The following ADGRL3 variants were observed in gnomAD, a reference collection of about 807,000 sequenced individuals.
The protein encoded by ADGRL3 is adhesion G protein-coupled receptor L3, also known as calcium-independent alpha-latrotoxin receptor 3.
ADGRL3 carries 62 observed loss-of-function variants against 153.5 expected under a neutral mutation model. That is an observed-to-expected ratio of 0.40 (90% confidence interval 0.33 to 0.50). The LOEUF is 0.50. Ranked by LOEUF, ADGRL3 falls within the 20% of genes least tolerant of loss-of-function variation. The probability of loss-of-function intolerance (pLI) is 0.47; values close to 1 mark genes in which losing one functional copy is unlikely to be tolerated. For synonymous variants in ADGRL3, 710 were observed against 672.5 expected (o/e 1.06, Z -0.86); for missense variants, 1,641 against 1,859.4 (o/e 0.88, Z 2.16).
intron 2 of ADGRL3, among the ~76,000 whole-genome samples, chr4:61,451,746 AC>A (rs1391229838): frequency 2.6e-5 from 4 of 152,248 alleles, no homozygotes; most frequent in Admixed American, 2.6e-4. Flanking sequence ...ATATGTTTAT[AC>A]AACTGGGGTA....
chr4:61,635,363 A>G (rs1329105351), intron 5 of ADGRL3, among the ~76,000 whole-genome samples: 1 of 152,102 alleles, frequency 6.6e-6, no homozygotes, highest in Non-Finnish European at 1.5e-5. Flanking sequence ...GTTAAGAGAG[A>G]AGTCTTCTAC....
intron 8 of ADGRL3, among the ~76,000 whole-genome samples, chr4:61,736,019 A>G (rs929779311): frequency 2.6e-5 from 4 of 152,146 alleles, no homozygotes; most frequent in Admixed American, 6.5e-5. Context: ...AAACATATGA[A>G]TATACTCATA....
At chr4:61,615,774 T>C (rs1332246003) in intron 5 of ADGRL3, among the ~76,000 whole-genome samples, 3 of 152,106 alleles carry the variant, frequency 2.0e-5, no homozygotes, top group African/African-American at 7.2e-5. Context: ...ATTGACTATA[T>C]GTGTATGTAT....
chr4:61,420,401 C>CTTTTTTTTTTTT (rs36093010), intron 2 of ADGRL3: 3 of 82,550 alleles, frequency 3.6e-5, no homozygotes, highest in African/African-American at 9.8e-5. Context: ...CAAAGGAAAG[C>CTTTTTTTTTTTT]TTTTTTTTTT....
intron 1 of ADGRL3, among the ~76,000 whole-genome samples, chr4:61,209,986 A>G (rs1016551768): frequency 8.5e-5 from 13 of 152,208 alleles, no homozygotes; most frequent in Admixed American, 5.9e-4. Flanking sequence ...TAAATGAGAT[A>G]AACCTATAAA....
chr4:61,671,971 T>C (rs2095022979), intron 5 of ADGRL3, among the ~76,000 whole-genome samples: 1 of 152,098 alleles, frequency 6.6e-6, no homozygotes, highest in South Asian at 2.1e-4. Flanking sequence ...AAGTGACAAA[T>C]AGGTTTAAAA....
At chr4:61,841,903 G>T (rs1465707490) in intron 9 of ADGRL3, among the ~76,000 whole-genome samples, 1 of 152,160 alleles carries the variant, frequency 6.6e-6, no homozygotes, top group African/African-American at 2.4e-5. Flanking sequence ...GGCCAGCATG[G>T]ATGGAGATAA....
chr4:61,496,853 A>G (rs1335413144), intron 2 of ADGRL3, among the ~76,000 whole-genome samples: 2 of 151,360 alleles, frequency 1.3e-5, no homozygotes, highest in African/African-American at 4.9e-5. Context: ...AGGAAGGAGA[A>G]TGGCGTGAAC....
At chr4:61,423,232 A>T (rs940493375) in intron 2 of ADGRL3, among the ~76,000 whole-genome samples, 4 of 152,214 alleles carry the variant, frequency 2.6e-5, no homozygotes, top group African/African-American at 9.7e-5. Context: ...TGAAGTTGAG[A>T]GTCGACTACC....
At chr4:61,927,715 A>T (rs541517168) in intron 13 of ADGRL3, among the ~76,000 whole-genome samples, 11 of 152,254 alleles carry the variant, frequency 7.2e-5, no homozygotes, top group African/African-American at 2.6e-4. Flanking sequence ...TTACATTTTG[A>T]TTTGAATCAA....
At chr4:61,329,041 ATAAGGAATTAGTTGCTC>A (rs1159131344) in intron 1 of ADGRL3, among the ~76,000 whole-genome samples, 1 of 152,188 alleles carries the variant, frequency 6.6e-6, no homozygotes, top group African/African-American at 2.4e-5. Flanking sequence ...GATGTGTGCC[ATAAGGAATTAGTTGCTC>A]AACAAAAAGA....
rs991260672 is a variant in ADGRL3 at position 61,235,031 on chromosome 4, A to C, written c.-240+33266A>C. Among the ~76,000 whole-genome samples the C allele has an allele frequency of 3.3e-5, 5 of 152,206 alleles. No individual in the cohort carries two copies. The East Asian group carries it at 9.7e-4, about 29-fold the overall frequency. ...AAGAAAACCAACCAAATAAGGTCCC[A>C]GAAGAGATGGAAATGAGCCTCTTTT... is the stretch of plus-strand genomic sequence containing the variant. On this transcript the variant is annotated intron_variant, in intron 1 of 26. Coordinates refer to ENST00000683033, the MANE Select transcript of ADGRL3 (RefSeq NM_001387552.1).
intron 8 of ADGRL3, among the ~76,000 whole-genome samples, chr4:61,811,660 T>C (rs2097623630): frequency 6.6e-6 from 1 of 152,194 alleles, no homozygotes; most frequent in Non-Finnish European, 1.5e-5. Context: ...CAGATATATA[T>C]ACATATGGAT....
chr4:62,015,219 T>G (rs1310089938), intron 21 of ADGRL3, among the ~76,000 whole-genome samples: 1 of 152,212 alleles, frequency 6.6e-6, no homozygotes, highest in Non-Finnish European at 1.5e-5. Flanking sequence ...AGCTATGTAT[T>G]CTAAAAAGGT....
intron 2 of ADGRL3, among the ~76,000 whole-genome samples, chr4:61,393,095 A>G (rs2096832101): frequency 6.6e-6 from 1 of 152,060 alleles, no homozygotes; most frequent in Admixed American, 6.6e-5. Context: ...AGGACACACC[A>G]CACAGTCTCC....
intron 2 of ADGRL3, among the ~76,000 whole-genome samples, chr4:61,483,378 A>T (rs1203657262): frequency 4.6e-5 from 7 of 152,214 alleles, no homozygotes; most frequent in Non-Finnish European, 1.0e-4. Context: ...ATGTATATAC[A>T]TAGCAATTAA....
intron 2 of ADGRL3, among the ~76,000 whole-genome samples, chr4:61,451,197 A>G (rs751489114): frequency 6.6e-6 from 1 of 152,174 alleles, no homozygotes; most frequent in Non-Finnish European, 1.5e-5. Flanking sequence ...ACTCAAATAT[A>G]CAGACAAGAG....
chr4:61,212,319 C>T (rs1345578058), intron 1 of ADGRL3: 6 of 152,286 alleles, frequency 3.9e-5, no homozygotes, highest in Non-Finnish European at 7.4e-5. Context: ...TGTACTCACT[C>T]ATTATATCAT....
chr4:61,516,831 TAAAC>T (rs975216570), intron 3 of ADGRL3, among the ~76,000 whole-genome samples: 5 of 151,986 alleles, frequency 3.3e-5, no homozygotes, highest in Non-Finnish European at 4.4e-5. Context: ...ACAAAACAAA[TAAAC>T]AAACAAAAGA....
Sources: gnomAD v4.1 joint callset for allele counts (sites outside exome capture counted in the v4.1 genomes callset) on GRCh38, gnomAD v4.1.1 for gene constraint, MANE v1.5 for transcripts, NCBI Gene and HGNC (gene_info 2026-07-23, HGNC 2026-07-21) for gene names.